Variants in CNTNAP2 observed in about 807,000 individuals in gnomAD.
CNTNAP2 encodes contactin-associated protein-like 2.
A neutral mutation model predicts 155.2 loss-of-function variants in CNTNAP2; 98 were observed. The observed-to-expected ratio is 0.63, with a 90% confidence interval of 0.54 to 0.75. The LOEUF (loss-of-function observed/expected upper bound fraction) is 0.75, where lower values mean the gene tolerates loss of function less well. Ranked by LOEUF, CNTNAP2 falls within the 30% of genes least tolerant of loss-of-function variation. The pLI is 0.00. For synonymous variants in CNTNAP2, 651 were observed against 631.2 expected (o/e 1.03, Z -0.47); for missense variants, 1,727 against 1,688.1 (o/e 1.02, Z -0.40).
At position 148,409,293 on chromosome 7, in the gene CNTNAP2, C is replaced by A. The variant is rs185834681; in HGVS notation, c.3716-98C>A. The A allele has an allele frequency of 8.8e-5, 83 of 947,506 alleles. No individual in the cohort carries two copies. In the East Asian group the frequency reaches 1.7e-3, roughly 19 times the overall value. The allele number at this position is 947,506 out of a possible 1,614,324, so 58.7% of individuals were successfully genotyped here. ...GAAATGGAGATTTCATTTGGGAAAA[C>A]AGGAAGTGTTGAAGAGTTGCATGAA... On this transcript the variant is annotated intron_variant, in intron 22 of 23. Coordinates refer to ENST00000361727, the MANE Select transcript of CNTNAP2 (RefSeq NM_014141.6).
At chr7:148,331,690 C>CGGATGGAGTGGGT (rs1798019381) in intron 21 of CNTNAP2, among the ~76,000 whole-genome samples, 3 of 145,854 alleles carry the variant, frequency 2.1e-5, no homozygotes, top group Admixed American at 6.8e-5. Flanking sequence ...ATGGAATGGA[C>CGGATGGAGTGGGT]GGATGGAGTG....
At chr7:146,232,569 GTTT>G (rs1799403835) in intron 1 of CNTNAP2, among the ~76,000 whole-genome samples, 1 of 151,730 alleles carries the variant, frequency 6.6e-6, no homozygotes, top group African/African-American at 2.4e-5. Flanking sequence ...AGAATCTATT[GTTT>G]TTTTGGTTTC....
At chr7:148,172,201 A>G (rs948961006) in intron 17 of CNTNAP2, 41 bp from the exon 18 acceptor site, 1 of 1,585,744 alleles carries the variant, frequency 6.3e-7, no homozygotes, top group Non-Finnish European at 8.6e-7. Context: ...GCAATAGCAG[A>G]GGTTATTCCC....
At chr7:147,129,588 G>T (rs915685792) in intron 7 of CNTNAP2, among the ~76,000 whole-genome samples, 6 of 152,176 alleles carry the variant, frequency 3.9e-5, no homozygotes, top group Non-Finnish European at 5.9e-5. Context: ...TTAGCCCAGA[G>T]AGGCTATTTG....
intron 12 of CNTNAP2, among the ~76,000 whole-genome samples, chr7:147,632,439 G>A (rs1795102935): frequency 6.6e-6 from 1 of 152,070 alleles, no homozygotes; most frequent in Non-Finnish European, 1.5e-5. Context: ...TAGTTCTCAC[G>A]AGATCTGATG....
At chr7:147,815,834 G>A (rs1177114631) in intron 13 of CNTNAP2, among the ~76,000 whole-genome samples, 2 of 152,176 alleles carry the variant, frequency 1.3e-5, no homozygotes, top group Admixed American at 1.3e-4. Context: ...TGACCACCAG[G>A]GCTCCGCGGG....
At chr7:148,082,956 C>T (rs1803644596) in intron 15 of CNTNAP2, among the ~76,000 whole-genome samples, 1 of 151,924 alleles carries the variant, frequency 6.6e-6, no homozygotes, top group Non-Finnish European at 1.5e-5. Flanking sequence ...AGATTACAGG[C>T]GTGACCCACT....
chr7:147,680,445 A>C (rs767521029), intron 13 of CNTNAP2, among the ~76,000 whole-genome samples: 17 of 151,938 alleles, frequency 1.1e-4, no homozygotes, highest in Non-Finnish European at 2.4e-4. Flanking sequence ...TTCAGCCAAC[A>C]ATATGTCCTG....
At chr7:148,186,826 C>T (rs550893727) in intron 18 of CNTNAP2, among the ~76,000 whole-genome samples, 1 of 152,302 alleles carries the variant, frequency 6.6e-6, no homozygotes, top group South Asian at 2.1e-4. Context: ...GCCCTTAAAA[C>T]TAATATGCTG....
At chr7:147,799,554 A>G (rs1414610503) in intron 13 of CNTNAP2, among the ~76,000 whole-genome samples, 1 of 152,240 alleles carries the variant, frequency 6.6e-6, no homozygotes, top group Non-Finnish European at 1.5e-5. Flanking sequence ...TTTAAAAAAA[A>G]GGCAAGAAAT....
At chr7:147,568,376 G>A (rs1165020362) in intron 12 of CNTNAP2, among the ~76,000 whole-genome samples, 1 of 152,150 alleles carries the variant, frequency 6.6e-6, no homozygotes, top group African/African-American at 2.4e-5. Flanking sequence ...TAATTCTTCT[G>A]ACTGTCTGCA....
At chr7:146,391,998 A>C (rs1378938087) in intron 1 of CNTNAP2, among the ~76,000 whole-genome samples, 2 of 152,210 alleles carry the variant, frequency 1.3e-5, no homozygotes, top group Non-Finnish European at 2.9e-5. Context: ...AAGTTAAAGA[A>C]AAAAGAAATT....
chr7:146,539,209 G>A (rs988713367), intron 1 of CNTNAP2, among the ~76,000 whole-genome samples: 1 of 151,874 alleles, frequency 6.6e-6, no homozygotes, highest in Non-Finnish European at 1.5e-5. Context: ...GTAGTATTCT[G>A]CAACCCCTGT....
intron 14 of CNTNAP2, among the ~76,000 whole-genome samples, chr7:147,908,129 G>A (rs939164866): frequency 4.6e-5 from 7 of 152,228 alleles, no homozygotes; most frequent in South Asian, 4.1e-4. Context: ...AAAACAGAGC[G>A]TGGCAAGTAG....
chr7:147,316,085 T>G (rs1338963637), intron 9 of CNTNAP2, among the ~76,000 whole-genome samples: 1 of 152,120 alleles, frequency 6.6e-6, no homozygotes, highest in East Asian at 1.9e-4. Context: ...TATTTTTGAT[T>G]GCACATATGT....
chr7:148,177,888 A>C (rs893189439), intron 18 of CNTNAP2, among the ~76,000 whole-genome samples: 29 of 108,322 alleles, frequency 2.7e-4, no homozygotes, highest in Admixed American at 1.6e-3. Flanking sequence ...AGAATTGAAC[A>C]GACACTGTTT....
intron 1 of CNTNAP2, among the ~76,000 whole-genome samples, chr7:146,302,296 C>A (rs1042956470): frequency 6.6e-6 from 1 of 152,068 alleles, no homozygotes; most frequent in Non-Finnish European, 1.5e-5. Context: ...TTTAGACAAT[C>A]GCAACTTCTG....
At chr7:146,584,860 T>A (rs1798663291) in intron 1 of CNTNAP2, among the ~76,000 whole-genome samples, 1 of 152,152 alleles carries the variant, frequency 6.6e-6, no homozygotes, top group African/African-American at 2.4e-5. Flanking sequence ...GGTCAGATTC[T>A]TATGTATCAC....
At chr7:148,091,986 G>T (rs955720579) in intron 15 of CNTNAP2, among the ~76,000 whole-genome samples, 2 of 152,152 alleles carry the variant, frequency 1.3e-5, no homozygotes, top group African/African-American at 4.8e-5. Context: ...GAGGTAATTT[G>T]CTGAAATTCC....
Sources: gnomAD v4.1 joint callset for allele counts (sites outside exome capture counted in the v4.1 genomes callset) on GRCh38, gnomAD v4.1.1 for gene constraint, MANE v1.5 for transcripts, NCBI Gene and HGNC (gene_info 2026-07-23, HGNC 2026-07-21) for gene names.